ERAP2: variants seen among roughly 807,000 people sequenced by gnomAD.
ERAP2 encodes endoplasmic reticulum aminopeptidase 2.
A neutral mutation model predicts 111.1 loss-of-function variants in ERAP2; 118 were observed. The ratio of observed to expected loss-of-function variants is 1.06; its 90% CI spans 0.92 to 1.24. The LOEUF is 1.24. Among genes scored for constraint, ERAP2 ranks in the 50% most tolerant of loss-of-function variants. The pLI, the probability that ERAP2 is intolerant of heterozygous loss-of-function variation, is 0.00. For synonymous variants in ERAP2, 410 were observed against 401.2 expected, an observed-to-expected ratio of 1.02 and a Z score of -0.26; for missense variants, 1,131 against 1,125.8, an observed-to-expected ratio of 1.00 and a Z score of -0.07.
rs950300032 is a variant in ERAP2 at position 96,889,421 on chromosome 5, A to G, written c.970+116A>G. The G allele has an allele frequency of 2.5e-6, 3 of 1,180,604 alleles. No individual in the cohort carries two copies. The African/African-American group carries it at 4.5e-5, about 18-fold the overall frequency. 73.1% of individuals were successfully genotyped at this position (1,180,604 alleles called of 1,614,324 possible). ...GAGCACTGAGGAATTCAGTTAGCTC[A>G]GGAAAAAATAATTTGTTCCTCAGAG... On this transcript the variant is annotated intron_variant, in intron 5 of 18. Coordinates refer to ENST00000437043, the MANE Select transcript of ERAP2 (RefSeq NM_022350.5).
At chr5:96,906,584 T>A (rs1786110897) in intron 13 of ERAP2, among the ~76,000 whole-genome samples, 2 of 152,228 alleles carry the variant, frequency 1.3e-5, no homozygotes. Flanking sequence ...GAGAATTTGA[T>A]GCAAGAATTG....
intron 5 of ERAP2, among the ~76,000 whole-genome samples, chr5:96,891,539 C>T (rs200089427): frequency 0.51 from 57,534 of 113,866 alleles, 12,406 homozygotes; most frequent in Middle Eastern, 0.62. Context: ...TATATATACA[C>T]ACACACACAC....
intron 13 of ERAP2, among the ~76,000 whole-genome samples, chr5:96,906,049 A>T (rs1581884641): frequency 6.7e-6 from 1 of 148,842 alleles, no homozygotes; most frequent in South Asian, 2.1e-4. Context: ...TGCTCAGTTT[A>T]CAGGCATGAG....
rs919499541 is a variant in ERAP2, at chr5:96,915,706, T to C, written c.2676T>C (p.Tyr892=). ...HLLKKFDLGS[Y]DIRMIISGTT... ...TTTTCAGATTTGACTTGGGCTCATA[T>C]GACATAAGGATGATCATCTCTGGCA... Residue 892 remains tyrosine (Y), a synonymous_variant, in exon 18 of 19, where the codon TAT becomes TAC. Transcript: ENST00000437043. 1 of 1,558,232 alleles carries C rather than the reference T, an allele frequency of 6.4e-7. No homozygotes were observed. The highest frequency in any genetic ancestry group is 1.4e-5 in the African/African-American group (1 of 72,316).
chr5:96,910,460 A>G (rs1301175333), intron 15 of ERAP2, among the ~76,000 whole-genome samples: 1 of 151,960 alleles, frequency 6.6e-6, no homozygotes, highest in African/African-American at 2.4e-5. Flanking sequence ...TTAGAAAAAA[A>G]AAAACTTAAA....
At chr5:96,892,000 C>T (rs963293535) in intron 5 of ERAP2, among the ~76,000 whole-genome samples, 30 of 152,064 alleles carry the variant, frequency 2.0e-4, no homozygotes, top group Non-Finnish European at 3.2e-4. Flanking sequence ...AAATTATTTT[C>T]TTGGCAGTAA....
chr5:96,909,882 G>GTA (rs1786520315), intron 15 of ERAP2, 118 bp downstream of exon 15: 2 of 1,015,256 alleles, frequency 2.0e-6, no homozygotes, highest in African/African-American at 1.6e-5. Context: ...AACATGCTGG[G>GTA]CATTACAAAC....
intron 9 of ERAP2, among the ~76,000 whole-genome samples, chr5:96,899,911 C>T (rs771488503): frequency 1.3e-5 from 2 of 152,140 alleles, no homozygotes; most frequent in South Asian, 2.1e-4. Flanking sequence ...TTTACACATG[C>T]GTATATATAA....
At chr5:96,905,741 C>T (rs774608877) in intron 13 of ERAP2, among the ~76,000 whole-genome samples, 1 of 151,782 alleles carries the variant, frequency 6.6e-6, no homozygotes, top group African/African-American at 2.4e-5. Flanking sequence ...AAAATTAGCC[C>T]AGTGTGGTGG....
At chr5:96,904,777 C>G (rs1561389696) in intron 13 of ERAP2, among the ~76,000 whole-genome samples, 1 of 152,124 alleles carries the variant, frequency 6.6e-6, no homozygotes, top group East Asian at 1.9e-4. Flanking sequence ...ATCTTTTTTG[C>G]TGTTTCTAGC....
At chr5:96,898,181 G>T (rs1785056783) in intron 9 of ERAP2, among the ~76,000 whole-genome samples, 1 of 152,014 alleles carries the variant, frequency 6.6e-6, no homozygotes, top group African/African-American at 2.4e-5. Context: ...GGGTGACAGA[G>T]TGAGACTCTG....
At position 96,907,013 on chromosome 5, in the gene ERAP2, A is replaced by G. The variant is rs376637904; in HGVS notation, c.2013-1948A>G. Among the ~76,000 whole-genome samples, 18 of 152,342 alleles carry G rather than the reference A, an allele frequency of 1.2e-4. No homozygotes were observed. The South Asian group carries it at 2.7e-3, about 23-fold the overall frequency. ...ATTGCACTCCAGCCTGGGCAACAGG[A>G]GTGAAACTCCATCTCAAAAACAAAA... is the stretch of plus-strand genomic sequence containing the variant. On this transcript the variant is annotated intron_variant, in intron 13 of 18. Transcript: ENST00000437043.
intron 17 of ERAP2, 64 bp from the exon 18 acceptor site, chr5:96,915,624 A>G: frequency 1.1e-6 from 1 of 894,340 alleles, no homozygotes; most frequent in East Asian, 2.8e-5. Flanking sequence ...AATATAATAC[A>G]TGATATAATA....
At chr5:96,896,548 G>A in intron 8 of ERAP2, 44 bp downstream of exon 8, 1 of 1,580,104 alleles carries the variant, frequency 6.3e-7, no homozygotes, top group Non-Finnish European at 8.6e-7. Flanking sequence ...TTTCAGAAGT[G>A]TAATAATGAC....
At chr5:96,916,022 A>G (rs796962870) in intron 18 of ERAP2, among the ~76,000 whole-genome samples, 4 of 152,248 alleles carry the variant, frequency 2.6e-5, no homozygotes, top group African/African-American at 9.6e-5. Context: ...GGAGTTCGAG[A>G]CCAGCCTGGC....
intron 3 of ERAP2, 104 bp downstream of exon 3, chr5:96,884,034 TTATCTATCTATCTATCTATCTATC>T (rs59325486): frequency 4.8e-5 from 29 of 603,462 alleles, no homozygotes; most frequent in African/African-American, 1.0e-4. Context: ...TAATTTGTTT[TTATCTATCTATCTATCTATCTATC>T]TATCTATCTA....
intron 17 of ERAP2, 124 bp downstream of exon 17, chr5:96,913,581 T>A: frequency 8.5e-7 from 1 of 1,182,274 alleles, no homozygotes; most frequent in Non-Finnish European, 1.2e-6. Context: ...AATAGTTCAG[T>A]GGAGTCAACT....
At position 96,903,448 on chromosome 5, in the gene ERAP2, C is replaced by T. The variant is rs1380155007; in HGVS notation, c.1900C>T (p.His634Tyr). ...GGACTCAAATGGTTACTACATCGTT[C>T]ACTATGAGGGTCATGGATGGGACCA... ...NVDSNGYYIV[H>Y]YEGHGWDQLI... Residue 634 changes from histidine (H) to tyrosine (Y), a missense_variant, in exon 13 of 19, where the codon CAC becomes TAC. By Grantham distance (83) the His-to-Tyr change is moderately conservative (BLOSUM62 2). Around this residue, in one of 3 missense-constraint regions of ERAP2, gnomAD observed 847 missense variants for 856.5 expected, o/e 0.99. Transcript: ENST00000437043. 4 of 1,613,850 alleles carry T rather than the reference C, an allele frequency of 2.5e-6. No individual in the cohort carries two copies. In the Admixed American group the frequency reaches 5.0e-5, roughly 20 times the overall value.
intron 3 of ERAP2, 126 bp from the exon 4 acceptor site, chr5:96,886,529 C>G: frequency 7.4e-6 from 5 of 671,854 alleles, no homozygotes; most frequent in Non-Finnish European, 1.1e-5. Context: ...CCATTGCCCC[C>G]CTAGGAGGTC....
Sources: gnomAD v4.1 joint callset for allele counts (sites outside exome capture counted in the v4.1 genomes callset) on GRCh38, gnomAD v4.1.1 for gene constraint, gnomAD v4.1.1 regional missense constraint, MANE v1.5 for transcripts, NCBI Gene and HGNC (gene_info 2026-07-23, HGNC 2026-07-21) for gene names.